UBN2: variants seen among roughly 807,000 people sequenced by gnomAD.
UBN2 encodes ubinuclein 2.
Under a neutral mutation model 120.2 loss-of-function variants are expected in UBN2, and 35 were observed. The ratio of observed to expected loss-of-function variants is 0.29; its 90% confidence interval spans 0.22 to 0.39. UBN2 has a LOEUF of 0.39. Among genes scored for constraint, UBN2 ranks in the 10% least tolerant of loss-of-function variants. The probability of loss-of-function intolerance (pLI) is 1.00; values close to 1 mark genes in which losing one functional copy is unlikely to be tolerated. For synonymous variants in UBN2, 661 were observed against 648.7 expected (o/e 1.02, Z -0.29); for missense variants, 1,693 against 1,663.2 (o/e 1.02, Z -0.31).
chr7:139,239,901 A>T (rs1246442335), intron 2 of UBN2, among the ~76,000 whole-genome samples: 1 of 152,172 alleles, frequency 6.6e-6, no homozygotes, highest in African/African-American at 2.4e-5. Context: ...GGATTTTAGA[A>T]TTGCCCTTTG....
At chr7:139,288,855 A>G (rs1239773585) in intron 15 of UBN2, among the ~76,000 whole-genome samples, 1 of 152,034 alleles carries the variant, frequency 6.6e-6, no homozygotes, top group Non-Finnish European at 1.5e-5. Context: ...TACAAAAATT[A>G]GCTGGGTATG....
chr7:139,258,424 C>A, intron 3 of UBN2, 64 bp from the exon 4 acceptor site: 3 of 1,321,108 alleles, frequency 2.3e-6, no homozygotes, highest in Non-Finnish European at 3.0e-6. Context: ...GGATGAATTT[C>A]TTTGACATTT....
Position 139,304,865 on chromosome 7 carries a change from A to G in UBN2, c.*7029A>G, listed in dbSNP as rs983831468. ...ACATGTCCCTGTCTTTTCCATTCTCAGATAACAAATGTTAAGACCCAAAGA... is the reference window on the plus strand; with the variant it reads ...ACATGTCCCTGTCTTTTCCATTCTCGGATAACAAATGTTAAGACCCAAAGA... On this transcript the variant is annotated 3_prime_UTR_variant, in exon 18 of 18. Transcript: ENST00000473989. 1 of 151,978 alleles carries G rather than the reference A, an allele frequency of 6.6e-6. No homozygotes were observed. Among genetic ancestry groups the G allele is most frequent in the Non-Finnish European group, 1.5e-5 (1 of 68,012 alleles). The allele number at this position is 151,978 out of a possible 1,614,324, so 9.4% of individuals were successfully genotyped here.
the UBN2 span, among the ~76,000 whole-genome samples, chr7:139,319,908 C>G: frequency 0.01 from 1,532 of 152,038 alleles, 36 homozygotes; most frequent in African/African-American, 0.035. Context: ...AACCCCGTCT[C>G]TACTAAAAAT....
At chr7:139,260,533 TCA>T (rs1796897960) in intron 5 of UBN2, among the ~76,000 whole-genome samples, 1 of 152,234 alleles carries the variant, frequency 6.6e-6, no homozygotes, top group African/African-American at 2.4e-5. Context: ...GTGGCTTTTT[TCA>T]CAGAGCTAAG....
chr7:139,312,826 A>G (rs950745515), downstream of UBN2, among the ~76,000 whole-genome samples: 4 of 152,128 alleles, frequency 2.6e-5, no homozygotes, highest in East Asian at 5.8e-4. Context: ...ACCTTTGTAT[A>G]CTGTGTAATG....
the UBN2 span, among the ~76,000 whole-genome samples, chr7:139,315,863 G>C: frequency 6.6e-6 from 1 of 151,932 alleles, no homozygotes. Context: ...GATCACCTGA[G>C]GTCAGGAGTT....
In UBN2 at chr7:139,231,624, C is replaced by A; in HGVS notation, c.140C>A (p.Ala47Asp). Residue 47 changes from alanine to aspartate, a missense_variant, in exon 1 of 18, where the codon GCC becomes GAC. Around this residue, in one of 5 missense-constraint regions of UBN2, gnomAD observed 663 missense variants for 591.2 expected, o/e 1.12. Transcript: ENST00000473989. ...GAGCCGCAGCCGTACCGCGAGCCGG[C>A]CCGGGCGGAGCCGCCGGCCCCGCGG... ...RLEPQPYREP[A>D]RAEPPAPREP... The A allele has an allele frequency of 7.8e-7, 1 of 1,279,746 alleles. No homozygotes were observed. 79.3% of individuals were successfully genotyped at this position (1,279,746 alleles called of 1,614,324 possible). A position where few individuals can be genotyped will look rare whatever the true frequency, so the allele number is the denominator to read the frequency against.
chr7:139,248,334 A>G (rs1372208467), intron 2 of UBN2, among the ~76,000 whole-genome samples: 1 of 152,188 alleles, frequency 6.6e-6, no homozygotes, highest in African/African-American at 2.4e-5. Flanking sequence ...GCAAAGTCTC[A>G]TGGCAGATGC....
rs1161484759 is a variant in UBN2, at chr7:139,289,414, C to CTTTTTTTTTTTTTTTTTTTTT, written c.3670-3802_3670-3801insTTTTTTTTTTTTTTTTTTTTT. Among the ~76,000 whole-genome samples, 72 of 125,762 alleles carry CTTTTTTTTTTTTTTTTTTTTT rather than the reference C, an allele frequency of 5.7e-4. 5 individuals are homozygous for CTTTTTTTTTTTTTTTTTTTTT. Among genetic ancestry groups the CTTTTTTTTTTTTTTTTTTTTT allele is most frequent in the African/African-American group, 1.5e-3 (48 of 32,168 alleles). The allele number at this position is 125,762 out of a possible 152,430, so 82.5% of individuals were successfully genotyped here. A position where few individuals can be genotyped will look rare whatever the true frequency, so the allele number is the denominator to read the frequency against. On this transcript the variant is annotated intron_variant, in intron 15 of 17. Coordinates refer to ENST00000473989, the MANE Select transcript of UBN2 (RefSeq NM_173569.4). Reference sequence around the variant, plus strand: ...ATTGCCCTCCCTAATTTACATTTTGCTTTTTTTTTTTTTTTTGAGACAGGG... The same window carrying CTTTTTTTTTTTTTTTTTTTTT: ...ATTGCCCTCCCTAATTTACATTTTGCTTTTTTTTTTTTTTTTTTTTTTTTTTTTTTTTTTTTTGAGACAGGG...
At chr7:139,239,526 T>C (rs1309981803) in intron 2 of UBN2, among the ~76,000 whole-genome samples, 1 of 149,824 alleles carries the variant, frequency 6.7e-6, no homozygotes, top group Non-Finnish European at 1.5e-5. Flanking sequence ...CCAGTTCTAC[T>C]CCCTCCATCA....
In UBN2 at chr7:139,255,989, T is replaced by A. The variant is rs1275941383; in HGVS notation, c.664-2499T>A. Among the ~76,000 whole-genome samples the A allele has an allele frequency of 2.0e-5, 3 of 152,332 alleles. No individual in the cohort carries two copies. The East Asian group carries it at 5.8e-4, about 29-fold the overall frequency. ...TCCCTGTTTTATAACCCTCCAAATTTGATGTTAAGTGATTTTCCCTGGGTC... is the reference window on the plus strand; with the variant it reads ...TCCCTGTTTTATAACCCTCCAAATTAGATGTTAAGTGATTTTCCCTGGGTC... On this transcript the variant is annotated intron_variant, in intron 3 of 17. Transcript: ENST00000473989.
chr7:139,310,525 C>G (rs941024398), downstream of UBN2, among the ~76,000 whole-genome samples: 24 of 152,180 alleles, frequency 1.6e-4, no homozygotes, highest in African/African-American at 5.1e-4. Flanking sequence ...AATCCCAGTA[C>G]TTTGGGAGGC....
chr7:139,257,345 A>G (rs1563209392), intron 3 of UBN2, among the ~76,000 whole-genome samples: 2 of 152,138 alleles, frequency 1.3e-5, no homozygotes, highest in Non-Finnish European at 1.5e-5. Context: ...TTGTTTTTCT[A>G]TGCTATTCAA....
chr7:139,310,813 GTATC>G (rs1771207969), downstream of UBN2, among the ~76,000 whole-genome samples: 1 of 152,164 alleles, frequency 6.6e-6, no homozygotes, highest in Non-Finnish European at 1.5e-5. Flanking sequence ...CGTATACACT[GTATC>G]TAGCATTTTT....
intron 2 of UBN2, among the ~76,000 whole-genome samples, chr7:139,238,489 T>C (rs1796223278): frequency 1.3e-5 from 2 of 152,182 alleles, no homozygotes; most frequent in African/African-American, 4.8e-5. Flanking sequence ...AGTGGTGTGA[T>C]CTTGGCTCAC....
At chr7:139,324,294 G>T in the UBN2 span, among the ~76,000 whole-genome samples, 35 of 152,238 alleles carry the variant, frequency 2.3e-4, no homozygotes, top group Non-Finnish European at 4.3e-4. Context: ...ACTTGGCTGG[G>T]CGTGGTGGCT....
At chr7:139,324,408 T>A in the UBN2 span, among the ~76,000 whole-genome samples, 2 of 151,096 alleles carry the variant, frequency 1.3e-5, no homozygotes, top group Non-Finnish European at 2.9e-5. Flanking sequence ...ATACAAAAAA[T>A]AGCTGGGCGC....
chr7:139,276,147 C>G lies in UBN2; in HGVS notation c.2024C>G (p.Pro675Arg). Residue 675 changes from proline to arginine, a missense_variant and splice_region_variant, in exon 12 of 18, where the codon CCG becomes CGG. Pro to Arg is a moderately radical substitution (Grantham distance 103). Transcript: ENST00000473989. ...GTTCATAATCATCTTACTTCTGCTC[C>G]GTGAGTAAATGCAGACTCCAGATTG... ...RSVHNHLTSA[P>R]AKKKVIPAPK... The G allele has an allele frequency of 1.2e-6, 2 of 1,613,298 alleles. No individual in the cohort carries two copies. Among genetic ancestry groups the G allele is most frequent in the Non-Finnish European group, 8.5e-7 (1 of 1,179,726 alleles).
Sources: allele counts gnomAD v4.1 joint callset (sites outside exome capture counted in the v4.1 genomes callset), GRCh38; gene constraint gnomAD v4.1.1; regional missense constraint gnomAD v4.1.1; transcripts MANE v1.5; gene names NCBI Gene and HGNC (gene_info 2026-07-23, HGNC 2026-07-21).